The following CRIPTO variants were observed in gnomAD, a reference collection of about 807,000 sequenced individuals.
CRIPTO encodes the protein cripto, EGF-CFC family member.
the CRIPTO span, among the ~76,000 whole-genome samples, chr3:46,575,416 C>T: frequency 2.0e-5 from 3 of 152,186 alleles, no homozygotes; most frequent in Admixed American, 6.5e-5. Context: ...CCCCACCCCC[C>T]ATCCCAAAAC....
At chr3:46,578,512 C>T in the CRIPTO span, among the ~76,000 whole-genome samples, 3 of 152,184 alleles carry the variant, frequency 2.0e-5, no homozygotes, top group Admixed American at 1.3e-4. Flanking sequence ...GTCAGGAGAC[C>T]AGCCTGGCCA....
chr3:46,579,916 G>T, the CRIPTO span: 1 of 1,614,192 alleles, frequency 6.2e-7, no homozygotes. Flanking sequence ...GGAAATTTCA[G>T]ACCCAAGGCT....
the CRIPTO span, chr3:46,579,589 C>A: frequency 8.6e-7 from 1 of 1,156,410 alleles, no homozygotes; most frequent in Non-Finnish European, 1.3e-6. Flanking sequence ...AGAACCACCA[C>A]TGGCCTATGC....
chr3:46,576,473 T>C, the CRIPTO span, among the ~76,000 whole-genome samples: 1 of 96,178 alleles, frequency 1.0e-5, no homozygotes, highest in East Asian at 3.1e-4. Flanking sequence ...AGAGGGAGAC[T>C]CTGTCGCAAA....
the CRIPTO span, among the ~76,000 whole-genome samples, chr3:46,580,931 C>T: frequency 6.6e-6 from 1 of 152,006 alleles, no homozygotes; most frequent in Non-Finnish European, 1.5e-5. Flanking sequence ...TGTTCTCTTC[C>T]TGGAACATGG....
the CRIPTO span, among the ~76,000 whole-genome samples, chr3:46,580,976 C>T: frequency 6.6e-6 from 1 of 152,160 alleles, no homozygotes; most frequent in African/African-American, 2.4e-5. Context: ...TGTGCTCATT[C>T]CTGCAAGTGA....
At chr3:46,576,851 G>A in the CRIPTO span, among the ~76,000 whole-genome samples, 1 of 152,042 alleles carries the variant, frequency 6.6e-6, no homozygotes, top group South Asian at 2.1e-4. Context: ...TCTCCATCTG[G>A]GGCGTCTGGC....
At chr3:46,575,009 C>T in the CRIPTO span, among the ~76,000 whole-genome samples, 1 of 152,222 alleles carries the variant, frequency 6.6e-6, no homozygotes, top group Non-Finnish European at 1.5e-5. Context: ...GATGGGCTGC[C>T]TGTGATTGGG....
the CRIPTO span, among the ~76,000 whole-genome samples, chr3:46,576,608 T>C: frequency 6.6e-6 from 1 of 151,420 alleles, no homozygotes; most frequent in Non-Finnish European, 1.5e-5. Flanking sequence ...ATGCTACCAA[T>C]TCTTTCTGCC....
chr3:46,582,138 G>A, the CRIPTO span: 1 of 152,150 alleles, frequency 6.6e-6, no homozygotes, highest in South Asian at 2.1e-4. Context: ...AGAGAAGCAA[G>A]TAAAAAGGCT....
the CRIPTO span, chr3:46,581,234 T>C: frequency 6.2e-7 from 1 of 1,613,282 alleles, no homozygotes; most frequent in East Asian, 2.2e-5. Flanking sequence ...TGCCTTTCTA[T>C]ACAAAGCTAC....
the CRIPTO span, chr3:46,582,158 G>A: frequency 6.6e-6 from 1 of 151,956 alleles, no homozygotes. Context: ...TAAATGGAAG[G>A]GCAAGTTTCC....
the CRIPTO span, chr3:46,579,979 T>C: frequency 6.2e-7 from 1 of 1,614,258 alleles, no homozygotes; most frequent in Non-Finnish European, 8.5e-7. Context: ...CCATGACACC[T>C]GGCTGCCCAA....
At chr3:46,578,847 T>TTA in the CRIPTO span, among the ~76,000 whole-genome samples, 4 of 152,158 alleles carry the variant, frequency 2.6e-5, no homozygotes, top group East Asian at 7.7e-4. Context: ...CTACTTAAAA[T>TTA]TAGGTACTTA....
At chr3:46,579,129 G>T in the CRIPTO span, 1 of 1,614,164 alleles carries the variant, frequency 6.2e-7, no homozygotes, top group South Asian at 1.1e-5. Context: ...TAAAGTCTTT[G>T]AACTGGGATT....
chr3:46,577,902 G>A, the CRIPTO span: 1 of 1,506,662 alleles, frequency 6.6e-7, no homozygotes, highest in Non-Finnish European at 9.2e-7. Flanking sequence ...TTTTCCTTTG[G>A]CTGTTTTGGC....
chr3:46,578,785 G>T, the CRIPTO span, among the ~76,000 whole-genome samples: 4 of 152,132 alleles, frequency 2.6e-5, no homozygotes, highest in African/African-American at 7.2e-5. Context: ...ATCCTTATAT[G>T]AAAATTGTAT....
At chr3:46,579,445 T>C in the CRIPTO span, 4,737 of 1,608,990 alleles carry the variant, frequency 2.9e-3, 11 homozygotes, top group South Asian at 3.9e-3. Context: ...CTCTTTCACC[T>C]AAAAGGGCAC....
At chr3:46,575,513 T>C in the CRIPTO span, among the ~76,000 whole-genome samples, 465 of 152,300 alleles carry the variant, frequency 3.1e-3, 2 homozygotes, top group African/African-American at 0.01. Context: ...CAGGGGGTTC[T>C]GGTCCTTAGA....
Sources: gnomAD v4.1 joint callset for allele counts (sites outside exome capture counted in the v4.1 genomes callset) on GRCh38, gnomAD v4.1.1 for gene constraint, MANE v1.5 for transcripts, NCBI Gene and HGNC (gene_info 2026-07-23, HGNC 2026-07-21) for gene names.